Variants in DNAH5 observed in about 807,000 individuals in gnomAD.
The protein encoded by DNAH5 is dynein axonemal heavy chain 5, also known as axonemal beta dynein heavy chain 5.
Under a neutral mutation model 518.2 loss-of-function variants are expected in DNAH5, and 372 were observed. The observed-to-expected ratio is 0.72, with a 90% confidence interval of 0.66 to 0.78. DNAH5 has a LOEUF of 0.78. Ranked by LOEUF, DNAH5 falls within the 30% of genes least tolerant of loss-of-function variation. The pLI is 0.00. For missense variants in DNAH5, 5,523 were observed against 5,687.0 expected (o/e 0.97, Z 0.93); for synonymous variants, 2,039 against 2,025.9 (o/e 1.01, Z -0.17).
At chr5:13,840,241 A>G (rs955261084) in intron 34 of DNAH5, among the ~76,000 whole-genome samples, 1 of 152,212 alleles carries the variant, frequency 6.6e-6, no homozygotes, top group Non-Finnish European at 1.5e-5. Flanking sequence ...ATCTTTCATA[A>G]TCTTTTTTAC....
At chr5:13,827,281 G>T (rs897882849) in intron 38 of DNAH5, among the ~76,000 whole-genome samples, 3 of 152,032 alleles carry the variant, frequency 2.0e-5, no homozygotes, top group Admixed American at 2.0e-4. Context: ...ATTTGCGTAA[G>T]TAATGAGGAT....
chr5:13,724,301 G>A (rs1312443451), intron 70 of DNAH5, among the ~76,000 whole-genome samples: 3 of 152,236 alleles, frequency 2.0e-5, no homozygotes, highest in Admixed American at 6.5e-5. Context: ...CTGCCCTGCT[G>A]TGTTTCAGAC....
intron 17 of DNAH5, among the ~76,000 whole-genome samples, chr5:13,886,456 C>T (rs1372776215): frequency 1.3e-5 from 2 of 152,214 alleles, no homozygotes; most frequent in East Asian, 1.9e-4. Context: ...GATCCAGCCA[C>T]CCTTCTTTCT....
chr5:13,865,990 C>G, intron 26 of DNAH5, 84 bp from the exon 27 acceptor site: 1 of 1,088,172 alleles, frequency 9.2e-7, no homozygotes. Context: ...TGCAAACAAG[C>G]AAGCCAGAGA....
chr5:13,844,833 G>A lies in DNAH5; in HGVS notation c.5271+4C>T, dbSNP rs376549180. 1.4e-5 allele frequency: 22 copies of A among 1,614,004 alleles called. No individual in the cohort carries two copies. The highest frequency in any genetic ancestry group is 2.2e-5 in the East Asian group (1 of 44,888). On this transcript the variant is annotated splice_donor_region_variant and intron_variant, in intron 32 of 78. Transcript: ENST00000265104. ...TGTTGGCCTGCCATTAGAATTAGGCGAACCTTTTCGTGGAACTTGACAGAT... is the reference window on the plus strand; with the variant it reads ...TGTTGGCCTGCCATTAGAATTAGGCAAACCTTTTCGTGGAACTTGACAGAT...
chr5:13,840,275 A>G (rs1438357550), intron 34 of DNAH5, among the ~76,000 whole-genome samples: 2 of 152,234 alleles, frequency 1.3e-5, no homozygotes, highest in East Asian at 3.8e-4. Context: ...ACAAATCCAG[A>G]AAATTATTAT....
At chr5:14,001,305 A>G (rs1370496850) in intron 1 of DNAH5, among the ~76,000 whole-genome samples, 1 of 152,178 alleles carries the variant, frequency 6.6e-6, no homozygotes, top group Non-Finnish European at 1.5e-5. Context: ...AAGTTGGAAA[A>G]AAAGAAAAGT....
rs2126619576 is a variant in DNAH5, at chr5:13,737,259, G to A, written c.11448C>T (p.Tyr3816=). 8 of 1,613,986 alleles carry A rather than the reference G, an allele frequency of 5.0e-6. No homozygotes were observed. The highest frequency in any genetic ancestry group is 6.8e-6 in the Non-Finnish European group (8 of 1,179,958). The change falls in exon 66 of 79, where the codon TAC becomes TAT. Residue 3816 remains tyrosine (Y), a synonymous_variant. Transcript: ENST00000265104. ...EVQINSAREE[Y]RPVATRGSIL... ...TTTCATTACCAAACTCACCAGGTCT[G>A]TATTCCTCCCGGGCTGAGTTAATTT...
chr5:13,747,299 T>G (rs1480181246), intron 65 of DNAH5, among the ~76,000 whole-genome samples: 2 of 152,180 alleles, frequency 1.3e-5, no homozygotes, highest in Admixed American at 1.3e-4. Context: ...TGTTGGACAT[T>G]TGGTTTGGTT....
At chr5:13,786,989 G>GCAGACC (rs1756129270) in intron 51 of DNAH5, among the ~76,000 whole-genome samples, 1 of 151,942 alleles carries the variant, frequency 6.6e-6, no homozygotes, top group Non-Finnish European at 1.5e-5. Context: ...AGAGGCCAAG[G>GCAGACC]TGGGCAGATC....
intron 52 of DNAH5, 103 bp from the exon 53 acceptor site, chr5:13,781,062 A>T (rs538180175): frequency 7.5e-7 from 1 of 1,333,148 alleles, no homozygotes; most frequent in South Asian, 1.3e-5. Flanking sequence ...ATTTTGGAAG[A>T]TATAGGTGTC....
At chr5:13,901,210 C>A in intron 14 of DNAH5, 42 bp downstream of exon 14, 1 of 1,597,322 alleles carries the variant, frequency 6.3e-7, no homozygotes, top group South Asian at 1.1e-5. Context: ...GAGGGGTTCC[C>A]ATGATTCCAA....
intron 78 of DNAH5, among the ~76,000 whole-genome samples, chr5:13,693,121 T>G (rs1034582559): frequency 1.3e-5 from 2 of 152,160 alleles, no homozygotes; most frequent in Admixed American, 6.6e-5. Context: ...GATTATACAT[T>G]TTTTGAGGAC....
chr5:13,829,493 C>A lies in DNAH5; in HGVS notation c.6444+17G>T. On this transcript the variant is annotated intron_variant, in intron 38 of 78. Coordinates refer to ENST00000265104, the MANE Select transcript of DNAH5 (RefSeq NM_001369.3). ...ATGAAACATGCCTAAGTGCATAAGACCTCCAGGATGACACACCTGCTTAGA... is the reference window on the plus strand; with the variant it reads ...ATGAAACATGCCTAAGTGCATAAGAACTCCAGGATGACACACCTGCTTAGA... 6.2e-7 allele frequency: 1 copy of A among 1,613,146 alleles called. No homozygotes were observed. The highest frequency in any genetic ancestry group is 1.3e-5 in the African/African-American group (1 of 75,016).
Position 13,813,751 on chromosome 5 carries a change from G to A in DNAH5, c.7230+854C>T, listed in dbSNP as rs547556764. Among the ~76,000 whole-genome samples, 22 of 152,242 alleles carry A rather than the reference G, an allele frequency of 1.4e-4. No individual in the cohort carries two copies. In the East Asian group the frequency reaches 3.3e-3, roughly 23 times the overall value. ...ACCAAATCTAAAGCCTTTTGCAACA[G>A]AGTTGAGTAAATTCTGGAAAGACAT... On this transcript the variant is annotated intron_variant, in intron 43 of 78. Transcript: ENST00000265104.
At chr5:14,010,797 A>G (rs1785062249) in intron 1 of DNAH5, among the ~76,000 whole-genome samples, 1 of 152,228 alleles carries the variant, frequency 6.6e-6, no homozygotes, top group Non-Finnish European at 1.5e-5. Context: ...TAATCTAGAT[A>G]CATTGCTCTT....
chr5:13,890,416 A>AT (rs1438796731), intron 17 of DNAH5, among the ~76,000 whole-genome samples: 1 of 151,244 alleles, frequency 6.6e-6, no homozygotes, highest in African/African-American at 2.5e-5. Context: ...CAAAAAAAAA[A>AT]AAAAAGGTTA....
intron 3 of DNAH5, among the ~76,000 whole-genome samples, chr5:13,927,033 C>T (rs762078416): frequency 6.6e-6 from 1 of 152,076 alleles, no homozygotes; most frequent in African/African-American, 2.4e-5. Context: ...AGAGCAATAG[C>T]TATTTTCCCT....
rs1336739130 is a variant in DNAH5, at chr5:13,762,920, A to C, written c.10102-19T>G. On this transcript the variant is annotated intron_variant, in intron 59 of 78. Transcript: ENST00000265104. ...GGAATTGCTATGGAAGAAAAGAGTA[A>C]AATAAAGTCGAAACACTTCTTTCCA... 6.2e-7 allele frequency: 1 copy of C among 1,607,060 alleles called. No individual in the cohort carries two copies. Among genetic ancestry groups the C allele is most frequent in the Middle Eastern group, 1.7e-4 (1 of 6,054 alleles).
Sources: gnomAD v4.1 joint callset for allele counts (sites outside exome capture counted in the v4.1 genomes callset) on GRCh38, gnomAD v4.1.1 for gene constraint, MANE v1.5 for transcripts, NCBI Gene and HGNC (gene_info 2026-07-23, HGNC 2026-07-21) for gene names.